The following RBFOX1 variants were observed in gnomAD, a reference collection of about 807,000 sequenced individuals.
The protein encoded by RBFOX1 is RNA binding protein fox-1 homolog 1.
RBFOX1 carries 8 observed loss-of-function variants against 57.7 expected under a neutral mutation model. The ratio of observed to expected loss-of-function variants is 0.14; its 90% CI spans 0.08 to 0.25. The LOEUF (loss-of-function observed/expected upper bound fraction) is 0.25, where lower values mean the gene tolerates loss of function less well. RBFOX1 is among the 10% of genes least tolerant of loss of function. The pLI is 1.00. For synonymous variants in RBFOX1, 326 were observed against 222.4 expected (o/e 1.47, Z -4.15); for missense variants, 611 against 548.5 (o/e 1.11, Z -1.14).
chr16:7,406,911 C>T lies in RBFOX1; in HGVS notation c.28-111236C>T, dbSNP rs140089440. On this transcript the variant is annotated intron_variant, in intron 4 of 15. Coordinates refer to ENST00000550418, the MANE Select transcript of RBFOX1 (RefSeq NM_018723.4). ...TTCCTTGGCTCATGGCCCCTTCCTC[C>T]GTCTCCAATGCTATCAGTGTAGCAT... 1.6e-3 allele frequency among the ~76,000 whole-genome samples: 246 copies of T among 152,304 alleles called. 1 individual carries two copies. Among genetic ancestry groups the T allele is most frequent in the African/African-American group, 5.0e-3 (208 of 41,550 alleles).
At chr16:5,781,773 G>A (rs536187755) in intron 3 of RBFOX1, among the ~76,000 whole-genome samples, 20 of 152,310 alleles carry the variant, frequency 1.3e-4, no homozygotes, top group African/African-American at 4.8e-4. Context: ...TTCTGTTCTA[G>A]AGGGAGAAAA....
intron 3 of RBFOX1, among the ~76,000 whole-genome samples, chr16:6,780,302 C>CATATATATATTTATTT (rs2080625286): frequency 1.3e-5 from 1 of 78,492 alleles, no homozygotes; most frequent in African/African-American, 6.3e-5. Context: ...TATATTTATA[C>CATATATATATTTATTT]ATATATATAT....
At chr16:7,217,077 T>C in intron 4 of RBFOX1, among the ~76,000 whole-genome samples, 1 of 104,154 alleles carries the variant, frequency 9.6e-6, no homozygotes. Flanking sequence ...CCTTTCCCTC[T>C]CCTCCCCTGT....
At position 6,730,418 on chromosome 16, in the gene RBFOX1, A is replaced by G. The variant is rs2068252983; in HGVS notation, c.-16+75768A>G. Among the ~76,000 whole-genome samples, 10 of 152,008 alleles carry G rather than the reference A, an allele frequency of 6.6e-5. No homozygotes were observed. The South Asian group carries it at 2.1e-3, about 32-fold the overall frequency. ...TCATCTGTGCATCTGTCATCTCTCT[A>G]TCTCATCTATATCTAATCTATCAAT... On this transcript the variant is annotated intron_variant, in intron 3 of 15. Coordinates refer to ENST00000550418, the MANE Select transcript of RBFOX1 (RefSeq NM_018723.4).
At chr16:5,782,032 C>T (rs1171276333) in intron 3 of RBFOX1, among the ~76,000 whole-genome samples, 3 of 152,204 alleles carry the variant, frequency 2.0e-5, no homozygotes, top group African/African-American at 7.2e-5. Context: ...CATGGTGAAA[C>T]CCCGTCTCTA....
chr16:5,524,826 A>T (rs1022731428), intron 2 of RBFOX1, among the ~76,000 whole-genome samples: 3 of 151,936 alleles, frequency 2.0e-5, no homozygotes, highest in African/African-American at 4.8e-5. Context: ...CAGGCGTGAG[A>T]CACCGCACCC....
intron 3 of RBFOX1, among the ~76,000 whole-genome samples, chr16:5,700,517 C>G (rs1025761837): frequency 6.6e-6 from 1 of 152,148 alleles, no homozygotes; most frequent in Non-Finnish European, 1.5e-5. Context: ...TCTATGTCAG[C>G]TTTTAAGATC....
chr16:6,955,189 T>C lies in RBFOX1; in HGVS notation c.-15-96868T>C, dbSNP rs1022434280. ...CTGGGACTGAGATGTTTCAGTGAACTGAGATGGCACCACTGTACTCCAGCC... is the reference window on the plus strand; with the variant it reads ...CTGGGACTGAGATGTTTCAGTGAACCGAGATGGCACCACTGTACTCCAGCC... On this transcript the variant is annotated intron_variant, in intron 3 of 15. Transcript: ENST00000550418. Among the ~76,000 whole-genome samples, 7 of 151,956 alleles carry C rather than the reference T, an allele frequency of 4.6e-5. No homozygotes were observed. In the East Asian group the frequency reaches 1.4e-3, roughly 29 times the overall value.
chr16:6,990,019 A>G (rs2091152051), intron 3 of RBFOX1, among the ~76,000 whole-genome samples: 1 of 152,094 alleles, frequency 6.6e-6, no homozygotes, highest in Non-Finnish European at 1.5e-5. Flanking sequence ...AAACTGAGAA[A>G]ATGTCTGCAA....
intron 1 of RBFOX1, among the ~76,000 whole-genome samples, chr16:5,412,038 G>T (rs959350413): frequency 6.6e-6 from 1 of 152,142 alleles, no homozygotes; most frequent in South Asian, 2.1e-4. Flanking sequence ...GTTTCTTTGA[G>T]TACCATTTGC....
chr16:6,853,590 C>T lies in RBFOX1; in HGVS notation c.-15-198467C>T, dbSNP rs941336332. Among the ~76,000 whole-genome samples, 5 of 152,136 alleles carry T rather than the reference C, an allele frequency of 3.3e-5. No individual in the cohort carries two copies. The East Asian group carries it at 5.8e-4, about 18-fold the overall frequency. ...AGGGAGGTTAGCAAACGGATTCCTA[C>T]CTCCTTGTACTGTATGAAGCAGTTT... is the stretch of plus-strand genomic sequence containing the variant. On this transcript the variant is annotated intron_variant, in intron 3 of 15. Coordinates refer to ENST00000550418, the MANE Select transcript of RBFOX1 (RefSeq NM_018723.4).
intron 4 of RBFOX1, among the ~76,000 whole-genome samples, chr16:7,260,567 G>A (rs750585882): frequency 9.9e-5 from 15 of 152,034 alleles, no homozygotes; most frequent in Non-Finnish European, 1.6e-4. Context: ...ATAACTCATC[G>A]CATCTCCATT....
chr16:5,364,561 G>C (rs7201733), intron 1 of RBFOX1, among the ~76,000 whole-genome samples: 18,490 of 152,232 alleles, frequency 0.12, 1,271 homozygotes, highest in Admixed American at 0.19. Context: ...TTTTCTCTTT[G>C]TGATGATACT....
chr16:6,118,495 A>C (rs1430778458), intron 1 of RBFOX1, among the ~76,000 whole-genome samples: 5 of 152,034 alleles, frequency 3.3e-5, no homozygotes. Flanking sequence ...GGGTCAAGGT[A>C]GCTGTCTTGG....
intron 4 of RBFOX1, among the ~76,000 whole-genome samples, chr16:7,469,397 G>C (rs1449087260): frequency 6.6e-6 from 1 of 152,068 alleles, no homozygotes; most frequent in Non-Finnish European, 1.5e-5. Context: ...AAACCTATGA[G>C]GCTATGTTTG....
intron 1 of RBFOX1, among the ~76,000 whole-genome samples, chr16:6,065,590 C>T (rs539964052): frequency 6.6e-6 from 1 of 152,274 alleles, no homozygotes; most frequent in South Asian, 2.1e-4. Context: ...TTAGCAGATA[C>T]AGAAACAAAT....
In RBFOX1 at chr16:5,889,961, A is replaced by G. The variant is rs990496954; in HGVS notation, c.351+22626A>G. 5.3e-5 allele frequency among the ~76,000 whole-genome samples: 8 copies of G among 152,208 alleles called. 1 individual carries two copies. The highest frequency in any genetic ancestry group is 1.4e-4 in the African/African-American group (6 of 41,454). The stretch of plus-strand genomic sequence containing the variant: ...GCAAACAGCCTCTGTGATGATCACA[A>G]TGCGTGTGAGATGTAGCTCCAGCTT... On this transcript the variant is annotated intron_variant, in intron 4 of 19. Coordinates refer to the RBFOX1 transcript ENST00000641259.
intron 3 of RBFOX1, among the ~76,000 whole-genome samples, chr16:6,926,605 GC>G (rs2075631762): frequency 6.6e-6 from 1 of 152,316 alleles, no homozygotes; most frequent in Non-Finnish European, 1.5e-5. Context: ...GCATGCTGGG[GC>G]TGTCTCCTCC....
chr16:7,521,845 A>T lies in RBFOX1; in HGVS notation c.270+3456A>T, dbSNP rs564571023. The stretch of plus-strand genomic sequence containing the variant: ...AATAAAAAGTCCAGGCGGAGGGTGG[A>T]CACAGCCTGGTTTTTGGAACGTGTC... On this transcript the variant is annotated intron_variant, in intron 5 of 15. Coordinates refer to ENST00000550418, the MANE Select transcript of RBFOX1 (RefSeq NM_018723.4). Among the ~76,000 whole-genome samples the T allele has an allele frequency of 2.0e-5, 3 of 152,314 alleles. No homozygotes were observed. In the South Asian group the frequency reaches 6.2e-4, roughly 32 times the overall value.
Sources: allele counts gnomAD v4.1 joint callset (sites outside exome capture counted in the v4.1 genomes callset), GRCh38; gene constraint gnomAD v4.1.1; transcripts MANE v1.5; gene names NCBI Gene and HGNC (gene_info 2026-07-23, HGNC 2026-07-21).